The following SPATS2 variants were observed in gnomAD, a reference collection of about 807,000 sequenced individuals.
The protein encoded by SPATS2 is spermatogenesis-associated serine-rich protein 2.
In SPATS2, 38 loss-of-function variants were observed where a neutral mutation model predicts 63.7. The ratio of observed to expected loss-of-function variants is 0.60; its 90% CI spans 0.46 to 0.78. SPATS2 has a LOEUF of 0.78. SPATS2 is among the 30% of genes least tolerant of loss of function. SPATS2 has a pLI of 0.00. For synonymous variants in SPATS2, 207 were observed against 232.9 expected (o/e 0.89, Z 1.01); for missense variants, 588 against 666.2 (o/e 0.88, Z 1.29).
intron 2 of SPATS2, among the ~76,000 whole-genome samples, chr12:49,459,060 T>G (rs902124250): frequency 5.3e-5 from 8 of 152,120 alleles, no homozygotes; most frequent in African/African-American, 1.7e-4. Context: ...TAGGTCACAA[T>G]AAGCGAATAG....
At chr12:49,472,010 G>A (rs898206543) in intron 3 of SPATS2, among the ~76,000 whole-genome samples, 1 of 149,640 alleles carries the variant, frequency 6.7e-6, no homozygotes, top group Non-Finnish European at 1.5e-5. Flanking sequence ...ATGGTGGGGC[G>A]TGTCTTTAGT....
At chr12:49,461,127 T>G in intron 3 of SPATS2, 90 bp downstream of exon 3, 3 of 1,373,784 alleles carry the variant, frequency 2.2e-6, no homozygotes, top group Non-Finnish European at 3.1e-6. Flanking sequence ...CCTTCTAATG[T>G]GTTTTGAATG....
intron 3 of SPATS2, among the ~76,000 whole-genome samples, chr12:49,482,460 CTGTCTTTG>C (rs1479630888): frequency 2.0e-5 from 3 of 152,140 alleles, no homozygotes; most frequent in Non-Finnish European, 2.9e-5. Flanking sequence ...AGGGCCCTTT[CTGTCTTTG>C]GCTCCTGTAA....
chr12:49,485,145 A>G (rs1946267945), intron 4 of SPATS2, among the ~76,000 whole-genome samples: 1 of 147,610 alleles, frequency 6.8e-6, no homozygotes, highest in Non-Finnish European at 1.5e-5. Flanking sequence ...GGCTCACTGC[A>G]AGCTCTGCCT....
At chr12:49,445,246 T>C (rs1945490509) in intron 2 of SPATS2, among the ~76,000 whole-genome samples, 1 of 152,316 alleles carries the variant, frequency 6.6e-6, no homozygotes, top group Middle Eastern at 3.4e-3. Context: ...AGGTTTTTCA[T>C]AGATGGCCTT....
intron 6 of SPATS2, among the ~76,000 whole-genome samples, chr12:49,492,452 C>A (rs1592453223): frequency 6.6e-6 from 1 of 151,920 alleles, no homozygotes; most frequent in Non-Finnish European, 1.5e-5. Flanking sequence ...GAACGCCTGA[C>A]CCCAAGTGAT....
chr12:49,498,145 A>AAAAATAT lies in SPATS2; in HGVS notation c.703+1137_703+1138insAAATATA, dbSNP rs66900382. Among the ~76,000 whole-genome samples the AAAAATAT allele has an allele frequency of 2.5e-3, 244 of 98,932 alleles. 2 individuals are homozygous for AAAAATAT. The highest frequency in any genetic ancestry group is 4.1e-3 in the South Asian group (12 of 2,910). The allele number at this position is 98,932 out of a possible 152,430, so 64.9% of individuals were successfully genotyped here. A position where few individuals can be genotyped will look rare whatever the true frequency, so the allele number is the denominator to read the frequency against. ...ATCCAATCAAGCCAAAAAAAAAAAA[A>AAAAATAT]ATATATATATATATATATATATATG... On this transcript the variant is annotated intron_variant, in intron 8 of 13. Transcript: ENST00000552918.
At chr12:49,412,881 A>C (rs1336212990) in intron 2 of SPATS2, among the ~76,000 whole-genome samples, 1 of 152,228 alleles carries the variant, frequency 6.6e-6, no homozygotes, top group Non-Finnish European at 1.5e-5. Context: ...GTAATTGGAT[A>C]AATGTTAAAA....
chr12:49,426,019 C>T (rs1235087194), intron 2 of SPATS2, among the ~76,000 whole-genome samples: 1 of 152,194 alleles, frequency 6.6e-6, no homozygotes, highest in South Asian at 2.1e-4. Context: ...ATAGATTAGA[C>T]TCTTAGTAAG....
chr12:49,389,672 C>G, intron 2 of SPATS2: 1 of 1,450,762 alleles, frequency 6.9e-7, no homozygotes, highest in Non-Finnish European at 9.7e-7. Flanking sequence ...AATTCAAGAG[C>G]TTAATGAAGT....
chr12:49,420,556 C>G (rs1049760565), intron 2 of SPATS2, among the ~76,000 whole-genome samples: 1 of 151,854 alleles, frequency 6.6e-6, no homozygotes, highest in South Asian at 2.1e-4. Flanking sequence ...GCACTCCAGC[C>G]TGGGTGACGG....
intron 2 of SPATS2, among the ~76,000 whole-genome samples, chr12:49,448,406 TG>T (rs1945555420): frequency 1.3e-5 from 2 of 152,070 alleles, no homozygotes; most frequent in Admixed American, 6.5e-5. Context: ...CCCAAAGTGC[TG>T]GGATTACAGG....
At chr12:49,496,271 T>G (rs1946461923) in intron 7 of SPATS2, among the ~76,000 whole-genome samples, 1 of 152,002 alleles carries the variant, frequency 6.6e-6, no homozygotes, top group Admixed American at 6.6e-5. Context: ...AGCGTTGTTG[T>G]TTGTTTGTTT....
At chr12:49,406,774 A>T (rs1216692514) in intron 2 of SPATS2, among the ~76,000 whole-genome samples, 1 of 144,404 alleles carries the variant, frequency 6.9e-6, no homozygotes, top group Non-Finnish European at 1.5e-5. Flanking sequence ...AGATTTGGTT[A>T]AAAAAAAAAA....
At chr12:49,425,772 G>A (rs1945064120) in intron 2 of SPATS2, among the ~76,000 whole-genome samples, 1 of 152,126 alleles carries the variant, frequency 6.6e-6, no homozygotes. Context: ...TGGGATTACA[G>A]GCGCATGCCA....
At chr12:49,468,155 G>GTTTTTTT (rs1161204784) in intron 3 of SPATS2, among the ~76,000 whole-genome samples, 1 of 82,904 alleles carries the variant, frequency 1.2e-5, no homozygotes. Flanking sequence ...TTTCTTTCTT[G>GTTTTTTT]TTTTTTTTTT....
chr12:49,367,498 G>A lies in SPATS2; in HGVS notation c.-396G>A. On this transcript the variant is annotated 5_prime_UTR_variant, in exon 1 of 14. Transcript: ENST00000552918. The stretch of plus-strand genomic sequence containing the variant: ...CGGTGGCTCTAGAAGGGGAGGTGGA[G>A]GATCTCCTTTCCTCTTCTCAGACCC... The A allele has an allele frequency of 2.5e-6, 1 of 399,222 alleles. No individual in the cohort carries two copies. Among genetic ancestry groups the A allele is most frequent in the Non-Finnish European group, 4.4e-6 (1 of 226,806 alleles). The allele number at this position is 399,222 out of a possible 1,614,324, so 24.7% of individuals were successfully genotyped here.
At chr12:49,405,570 A>G (rs1450433303) in intron 2 of SPATS2, among the ~76,000 whole-genome samples, 1 of 152,132 alleles carries the variant, frequency 6.6e-6, no homozygotes, top group East Asian at 1.9e-4. Context: ...GTGGTGACCC[A>G]TGCCTGTAAT....
intron 9 of SPATS2, among the ~76,000 whole-genome samples, chr12:49,503,829 C>T (rs1017110322): frequency 4.6e-5 from 7 of 152,070 alleles, no homozygotes; most frequent in Admixed American, 6.5e-5. Flanking sequence ...TTGTGAATTC[C>T]TGCTGACTGG....
Sources: allele counts gnomAD v4.1 joint callset (sites outside exome capture counted in the v4.1 genomes callset), GRCh38; gene constraint gnomAD v4.1.1; transcripts MANE v1.5; gene names NCBI Gene and HGNC (gene_info 2026-07-23, HGNC 2026-07-21).